Variants in ERICH1 observed in about 807,000 individuals in gnomAD.
ERICH1 encodes the protein glutamate rich 1.
In ERICH1, 56 loss-of-function variants were observed where a neutral mutation model predicts 39.6. The ratio of observed to expected loss-of-function variants is 1.41; its 90% CI spans 1.14 to 1.77. The LOEUF (loss-of-function observed/expected upper bound fraction) is 1.77. ERICH1 is among the 40% of genes most tolerant of loss of function. The pLI, the probability that ERICH1 is intolerant of heterozygous loss-of-function variation, is 0.00. For missense variants in ERICH1, 826 were observed against 575.4 expected (o/e 1.44, Z -4.45); for synonymous variants, 313 against 223.6 (o/e 1.40, Z -3.57).
chr8:646,842 C>T lies in ERICH1; in HGVS notation c.976+21756G>A, dbSNP rs1441012123. Among the ~76,000 whole-genome samples, 5 of 69,432 alleles carry T rather than the reference C, an allele frequency of 7.2e-5. 2 individuals are homozygous for T. 45.6% of individuals were successfully genotyped at this position (69,432 alleles called of 152,430 possible). ...ATTCCCTGCTGGTGCCTCTGGTGAG[C>T]GTCCAGTGAACCAGGTGCCCTAGGG... On this transcript the variant is annotated intron_variant, in intron 3 of 3. Coordinates refer to the ERICH1 transcript ENST00000522706.
chr8:633,180 A>G (rs564557959), intron 3 of ERICH1, among the ~76,000 whole-genome samples: 1 of 151,888 alleles, frequency 6.6e-6, no homozygotes, highest in South Asian at 2.1e-4. Context: ...GCCGCCCAGG[A>G]CAGACGGAGG....
intron 3 of ERICH1, among the ~76,000 whole-genome samples, chr8:643,850 A>AGAT (rs1206294409): frequency 6.6e-6 from 1 of 152,196 alleles, no homozygotes; most frequent in Non-Finnish European, 1.5e-5. Flanking sequence ...GTTTATAAGT[A>AGAT]GATGCTAAAC....
chr8:679,198 G>C (rs1453230469), intron 3 of ERICH1, among the ~76,000 whole-genome samples: 1 of 53,424 alleles, frequency 1.9e-5, no homozygotes, highest in South Asian at 9.7e-4. Context: ...CAAAGCTCCA[G>C]TCCCTCTCAG....
intron 2 of ERICH1, among the ~76,000 whole-genome samples, chr8:710,156 T>C (rs1814367137): frequency 6.6e-6 from 1 of 152,210 alleles, no homozygotes; most frequent in Admixed American, 6.5e-5. Context: ...CAGTTTACAT[T>C]GCGGTTCACT....
At chr8:692,351 C>A (rs891727066) in intron 3 of ERICH1, 127 bp downstream of exon 3, 107 of 1,326,552 alleles carry the variant, frequency 8.1e-5, no homozygotes, top group Non-Finnish European at 8.9e-5. Flanking sequence ...GTTCATTATA[C>A]AGTGTAACAA....
intron 5 of ERICH1, 102 bp from the exon 6 acceptor site, chr8:664,778 C>A: frequency 1.2e-6 from 1 of 856,296 alleles, no homozygotes; most frequent in Non-Finnish European, 1.8e-6. Context: ...AAAGTGAACT[C>A]CCAAATAATC....
At chr8:636,063 C>G (rs1002067425) in intron 3 of ERICH1, among the ~76,000 whole-genome samples, 4 of 152,236 alleles carry the variant, frequency 2.6e-5, no homozygotes, top group Non-Finnish European at 2.9e-5. Context: ...TGCCATCTCT[C>G]AGAGAGGCAA....
At chr8:625,745 C>T (rs1305685200) in intron 3 of ERICH1, 9 of 152,226 alleles carry the variant, frequency 5.9e-5, no homozygotes, top group Non-Finnish European at 1.2e-4. Flanking sequence ...GAACCGTGCA[C>T]AGTTGTAGGC....
intron 3 of ERICH1, among the ~76,000 whole-genome samples, chr8:628,239 G>A (rs1045477804): frequency 6.6e-6 from 1 of 152,216 alleles, no homozygotes; most frequent in African/African-American, 2.4e-5. Context: ...GCCCCAGGCA[G>A]GCAGAGCAGG....
intron 3 of ERICH1, among the ~76,000 whole-genome samples, chr8:681,733 TA>T (rs1806160962): frequency 1.3e-5 from 2 of 152,218 alleles, no homozygotes; most frequent in African/African-American, 4.8e-5. Flanking sequence ...AACCATCTCT[TA>T]AGCAGAAGCC....
chr8:615,269 A>G (rs1240419045), exon 4 of ERICH1: 4 of 696,964 alleles, frequency 5.7e-6, no homozygotes, highest in African/African-American at 1.8e-5. Flanking sequence ...CTTGGCTTTA[A>G]GTCTGCTTAG....
chr8:718,590 A>T (rs1409737733), intron 1 of ERICH1, among the ~76,000 whole-genome samples: 1 of 152,256 alleles, frequency 6.6e-6, no homozygotes, highest in Non-Finnish European at 1.5e-5. Context: ...AGCTGGCTTT[A>T]AATTCAGAGT....
chr8:617,976 G>T (rs1669655), intron 3 of ERICH1, among the ~76,000 whole-genome samples: 1 of 144,322 alleles, frequency 6.9e-6, no homozygotes, highest in Non-Finnish European at 1.5e-5. Context: ...TGGGTGCTCA[G>T]TCTATCCTCA....
downstream of ERICH1, among the ~76,000 whole-genome samples, chr8:662,017 G>C (rs897242241): frequency 2.0e-5 from 3 of 151,380 alleles, no homozygotes; most frequent in African/African-American, 4.9e-5. Context: ...TGCAATGGCA[G>C]GTATTCTGTG....
At chr8:709,977 G>C (rs189338353) in intron 2 of ERICH1, among the ~76,000 whole-genome samples, 1 of 152,010 alleles carries the variant, frequency 6.6e-6, no homozygotes, top group Non-Finnish European at 1.5e-5. Context: ...TTTTAAAAAA[G>C]ATTAAAAATG....
At chr8:678,705 G>C (rs1027023866) in intron 3 of ERICH1, among the ~76,000 whole-genome samples, 2 of 152,170 alleles carry the variant, frequency 1.3e-5, no homozygotes, top group African/African-American at 4.8e-5. Flanking sequence ...CTACTCCGGA[G>C]GCTGAGGCAG....
At chr8:682,108 C>T (rs552647644) in intron 3 of ERICH1, among the ~76,000 whole-genome samples, 32 of 152,150 alleles carry the variant, frequency 2.1e-4, no homozygotes, top group African/African-American at 7.2e-4. Context: ...TCTCTGCCCC[C>T]GTGTAAAACC....
intron 1 of ERICH1, among the ~76,000 whole-genome samples, chr8:723,222 A>C (rs894573501): frequency 6.6e-6 from 1 of 152,202 alleles, no homozygotes. Context: ...CCTCACCAGA[A>C]ATGGGTGCTG....
intron 3 of ERICH1, among the ~76,000 whole-genome samples, chr8:678,089 G>T (rs1669732): frequency 1.3e-5 from 2 of 151,918 alleles, no homozygotes; most frequent in Non-Finnish European, 2.9e-5. Flanking sequence ...TGTTAAGTTT[G>T]TCATATTTTT....
Sources: gnomAD v4.1 joint callset for allele counts (sites outside exome capture counted in the v4.1 genomes callset) on GRCh38, gnomAD v4.1.1 for gene constraint, MANE v1.5 for transcripts, NCBI Gene and HGNC (gene_info 2026-07-23, HGNC 2026-07-21) for gene names.